GDF2: variants seen among roughly 807,000 people sequenced by gnomAD.
GDF2 encodes growth differentiation factor 2.
A neutral mutation model predicts 16.9 loss-of-function variants in GDF2; 17 were observed. The ratio of observed to expected loss-of-function variants is 1.00; its 90% confidence interval spans 0.69 to 1.51. The LOEUF (loss-of-function observed/expected upper bound fraction) is 1.51, where lower values mean the gene tolerates loss of function less well. Ranked by LOEUF, GDF2 falls within the 40% of genes most tolerant of loss-of-function variation. The pLI, the probability that GDF2 is intolerant of heterozygous loss-of-function variation, is 0.00. For synonymous variants in GDF2, 276 were observed against 237.6 expected, an observed-to-expected ratio of 1.16 and a Z score of -1.49; for missense variants, 523 against 556.3, an observed-to-expected ratio of 0.94 and a Z score of 0.60.
rs782256153 is a variant in GDF2 at position 47,325,387 on chromosome 10, G to A, written c.893G>A (p.Ser298Asn). The change falls in exon 2 of 2, where the codon AGC (serine) becomes AAC (asparagine). Residue 298 changes from serine (S) to asparagine (N), a missense_variant. Ser to Asn is a conservative substitution (Grantham distance 46). Coordinates refer to ENST00000581492, the MANE Select transcript of GDF2 (RefSeq NM_016204.4). The stretch of plus-strand genomic sequence containing the variant: ...GACGGCTCCACAGAGGCAGGTGAGA[G>A]CAGTCACGAGGAGGACACGGATGGC... Reference protein sequence around the residue: ...SKDGSTEAGESSHEEDTDGHV... With the variant: ...SKDGSTEAGENSHEEDTDGHV... The A allele has an allele frequency of 1.9e-6, 3 of 1,614,142 alleles. No homozygotes were observed. The highest frequency in any genetic ancestry group is 3.3e-5 in the Admixed American group (2 of 60,030).
rs538999880 is a variant in GDF2 at position 47,326,493 on chromosome 10, G to A, written c.*709G>A. ...CTGGGCTGCTTGTCACACACAGGGCGTGGTCTGGCCACTGTTGCCAGTGCT... is the reference window on the plus strand; with the variant it reads ...CTGGGCTGCTTGTCACACACAGGGCATGGTCTGGCCACTGTTGCCAGTGCT... On this transcript the variant is annotated 3_prime_UTR_variant, in exon 2 of 2. Transcript: ENST00000581492. 5.9e-5 allele frequency among the ~76,000 whole-genome samples: 9 copies of A among 152,324 alleles called. No individual in the cohort carries two copies. Among genetic ancestry groups the A allele is most frequent in the East Asian group, 1.9e-4 (1 of 5,180 alleles).
In GDF2 at chr10:47,322,465, C is replaced by G; in HGVS notation, c.-204C>G. The G allele has an allele frequency of 2.0e-6, 1 of 503,642 alleles. No homozygotes were observed. Among genetic ancestry groups the G allele is most frequent in the Non-Finnish European group, 3.5e-6 (1 of 286,746 alleles). The allele number at this position is 503,642 out of a possible 1,614,324, so 31.2% of individuals were successfully genotyped here. Reference sequence around the variant, plus strand: ...CGGAAGGCTCCCTCAGATAAGACGTCGGAGCGCGGCATCGAGGACCAGATA... The same window carrying G: ...CGGAAGGCTCCCTCAGATAAGACGTGGGAGCGCGGCATCGAGGACCAGATA... On this transcript the variant is annotated 5_prime_UTR_variant, in exon 1 of 2. Coordinates refer to ENST00000581492, the MANE Select transcript of GDF2 (RefSeq NM_016204.4).
Position 47,322,894 on chromosome 10 carries a change from C to T in GDF2, c.226C>T (p.Pro76Ser). Residue 76 changes from proline to serine, a missense_variant, in exon 1 of 2, where the codon CCT becomes TCT. Coordinates refer to ENST00000581492, the MANE Select transcript of GDF2 (RefSeq NM_016204.4). ...FLRSLNLSGV[P>S]SQDKTRVEPP... ...GCGCAGCCTTAACCTGAGTGGGGTC[C>T]CTTCGCAGGACAAAACCAGGGTGGA... 1 of 1,614,134 alleles carries T rather than the reference C, an allele frequency of 6.2e-7. No homozygotes were observed. The highest frequency in any genetic ancestry group is 8.5e-7 in the Non-Finnish European group (1 of 1,180,014).
rs782094749 is a variant in GDF2, at chr10:47,325,589, T to C, written c.1095T>C (p.Ala365=). Reference sequence around the variant, plus strand: ...AGGGCGGCTGCTTCTTCCCCTTGGCTGACGATGTGACGCCGACGAAACACG... The same window carrying C: ...AGGGCGGCTGCTTCTTCCCCTTGGCCGACGATGTGACGCCGACGAAACACG... The part of the protein sequence containing the change: ...ECKGGCFFPL[A]DDVTPTKHAI... Residue 365 remains alanine (A), a synonymous_variant, in exon 2 of 2, where the codon GCT becomes GCC. Coordinates refer to ENST00000581492, the MANE Select transcript of GDF2 (RefSeq NM_016204.4). 9.3e-6 allele frequency: 15 copies of C among 1,614,006 alleles called. No individual in the cohort carries two copies. Among genetic ancestry groups the C allele is most frequent in the Admixed American group, 5.0e-5 (3 of 60,004 alleles).
rs148790168 is a variant in GDF2 at position 47,322,976 on chromosome 10, C to G, written c.308C>G (p.Thr103Arg). Reference protein sequence around the residue: ...YNRYTSDKSTTPASNIVRSFS... With the variant: ...YNRYTSDKSTRPASNIVRSFS... ...AGGTACACGTCCGATAAGTCGACTA[C>G]GCCAGCGTCCAACATTGTGCGGAGC... Residue 103 changes from threonine (T) to arginine (R), a missense_variant, in exon 1 of 2, where the codon ACG becomes AGG. Physicochemically the swap from Thr to Arg is moderately conservative, Grantham distance 71. Coordinates refer to ENST00000581492, the MANE Select transcript of GDF2 (RefSeq NM_016204.4). The G allele has an allele frequency of 1.4e-5, 22 of 1,606,820 alleles. No individual in the cohort carries two copies. The African/African-American group carries it at 1.7e-4, about 13-fold the overall frequency.
At position 47,327,437 on chromosome 10, in the gene GDF2, C is replaced by T. The variant is rs545683653; in HGVS notation, c.*1653C>T. ...CGAAACATTCTTGTTTAATTACTGGCGTTATAGAAAATATGAATTCCTGCT... is the reference window on the plus strand; with the variant it reads ...CGAAACATTCTTGTTTAATTACTGGTGTTATAGAAAATATGAATTCCTGCT... On this transcript the variant is annotated 3_prime_UTR_variant, in exon 2 of 2. Transcript: ENST00000581492. 2.6e-5 allele frequency among the ~76,000 whole-genome samples: 4 copies of T among 152,248 alleles called. No individual in the cohort carries two copies. The South Asian group carries it at 6.2e-4, about 24-fold the overall frequency.
At chr10:47,324,819 A>G (rs1555208859) in intron 1 of GDF2, 22 bp from the exon 2 acceptor site, 1 of 1,549,426 alleles carries the variant, frequency 6.5e-7, no homozygotes, top group East Asian at 2.2e-5. Context: ...GCAGATGCCC[A>G]CCACGTGTGT....
chr10:47,325,244 C>A lies in GDF2; in HGVS notation c.750C>A (p.Asn250Lys), dbSNP rs782092613. 39 of 1,614,042 alleles carry A rather than the reference C, an allele frequency of 2.4e-5. No homozygotes were observed. The Admixed American group carries it at 6.5e-4, about 27-fold the overall frequency. Residue 250 changes from asparagine (N) to lysine (K), a missense_variant, in exon 2 of 2, where the codon AAC (asparagine) becomes AAA (lysine). Asn to Lys is a moderately conservative substitution (Grantham distance 94, BLOSUM62 0). Transcript: ENST00000581492. Reference protein sequence around the residue: ...LDISVPPGSRNLPFFVVFSND... With the variant: ...LDISVPPGSRKLPFFVVFSND... ...TCAGTGTCCCCCCAGGTTCCAGAAA[C>A]CTGCCCTTCTTTGTTGTCTTCTCCA...
rs781906211 is a variant in GDF2 at position 47,322,681 on chromosome 10, G to C, written c.13G>C (p.Ala5Pro). 1 of 1,560,290 alleles carries C rather than the reference G, an allele frequency of 6.4e-7. No individual in the cohort carries two copies. The highest frequency in any genetic ancestry group is 8.7e-7 in the Non-Finnish European group (1 of 1,148,840). The change falls in exon 1 of 2, where the codon GCA becomes CCA. Residue 5 changes from alanine to proline, a missense_variant. Physicochemically the swap from Ala to Pro is conservative, Grantham distance 27. Transcript: ENST00000581492. MCPG[A>P]LWVALPLLSL... Reference sequence around the variant, plus strand: ...GCGCGGGCCTAAGATGTGTCCTGGGGCACTGTGGGTGGCCCTGCCCCTGCT... The same window carrying C: ...GCGCGGGCCTAAGATGTGTCCTGGGCCACTGTGGGTGGCCCTGCCCCTGCT...
chr10:47,324,987 G>T lies in GDF2; in HGVS notation c.493G>T (p.Asp165Tyr), dbSNP rs150763972. 6.2e-7 allele frequency: 1 copy of T among 1,614,144 alleles called. No individual in the cohort carries two copies. Among genetic ancestry groups the T allele is most frequent in the South Asian group, 1.1e-5 (1 of 91,080 alleles). The change falls in exon 2 of 2, where the codon GAC (aspartate) becomes TAC (tyrosine). Residue 165 changes from aspartate (D) to tyrosine (Y), a missense_variant. Asp to Tyr is a radical substitution (Grantham distance 160). Transcript: ENST00000581492. ...TCAAAATCACGTGGACCCCTCTCAT[G>T]ACCTGAAAGGAAGCGTGGTCATTTA... Reference protein sequence around the residue: ...SCQNHVDPSHDLKGSVVIYDV... With the variant: ...SCQNHVDPSHYLKGSVVIYDV...
In GDF2 at chr10:47,325,857, A is replaced by G. The variant is rs1661344605; in HGVS notation, c.*73A>G. On this transcript the variant is annotated 3_prime_UTR_variant, in exon 2 of 2. Transcript: ENST00000581492. ...GAGGTCCTGCATGCCCCTGGGCACA[A>G]CAAGGACTGATTCAATCTGCATGCC... 4 of 1,103,672 alleles carry G rather than the reference A, an allele frequency of 3.6e-6. No homozygotes were observed. The highest frequency in any genetic ancestry group is 1.7e-5 in the South Asian group (1 of 58,680). The allele number at this position is 1,103,672 out of a possible 1,614,324, so 68.4% of individuals were successfully genotyped here.
chr10:47,323,792 TAA>T (rs2061093682), intron 1 of GDF2, among the ~76,000 whole-genome samples: 1 of 152,236 alleles, frequency 6.6e-6, no homozygotes, highest in Non-Finnish European at 1.5e-5. Context: ...TAGGAAGTGT[TAA>T]ACCTGTCTGC....
Position 47,322,876 on chromosome 10 carries a change from C to T in GDF2, c.208C>T (p.Leu70Phe). 3.1e-6 allele frequency: 5 copies of T among 1,614,204 alleles called. No homozygotes were observed. Among genetic ancestry groups the T allele is most frequent in the Non-Finnish European group, 4.2e-6 (5 of 1,180,036 alleles). Residue 70 changes from leucine to phenylalanine, a missense_variant, in exon 1 of 2, where the codon CTT becomes TTT. By Grantham distance (22) the Leu-to-Phe change is conservative. Transcript: ENST00000581492. ...CGTGAAGGTGGATTTCCTGCGCAGCCTTAACCTGAGTGGGGTCCCTTCGCA... is the reference window on the plus strand; with the variant it reads ...CGTGAAGGTGGATTTCCTGCGCAGCTTTAACCTGAGTGGGGTCCCTTCGCA... ...ENVKVDFLRS[L>F]NLSGVPSQDK... is the part of the protein sequence containing the mutation.
Position 47,325,941 on chromosome 10 carries a change from C to A in GDF2, c.*157C>A. ...CCCCACACCCCACCCAAAGCATACA[C>A]CGCTGAGCTCAACTGCCAGGGAAGG... On this transcript the variant is annotated 3_prime_UTR_variant, in exon 2 of 2. Coordinates refer to ENST00000581492, the MANE Select transcript of GDF2 (RefSeq NM_016204.4). The A allele has an allele frequency of 1.8e-6, 1 of 550,580 alleles. No individual in the cohort carries two copies. Among genetic ancestry groups the A allele is most frequent in the Non-Finnish European group, 3.1e-6 (1 of 322,488 alleles). 34.1% of individuals were successfully genotyped at this position (550,580 alleles called of 1,614,324 possible).
rs782104232 is a variant in GDF2, at chr10:47,325,700, C to T, written c.1206C>T (p.Ser402=). 1.3e-5 allele frequency: 21 copies of T among 1,602,528 alleles called. No individual in the cohort carries two copies. Among genetic ancestry groups the T allele is most frequent in the Middle Eastern group, 1.7e-4 (1 of 6,024 alleles). Reference sequence around the variant, plus strand: ...TGCCCACCAAACTGAGCCCCATCTCCGTCCTCTACAAGGATGACATGGGGG... The same window carrying T: ...TGCCCACCAAACTGAGCCCCATCTCTGTCCTCTACAAGGATGACATGGGGG... ...CCVPTKLSPI[S]VLYKDDMGVP... The change falls in exon 2 of 2, where the codon TCC becomes TCT. Residue 402 remains serine (S), a synonymous_variant. Coordinates refer to ENST00000581492, the MANE Select transcript of GDF2 (RefSeq NM_016204.4).
chr10:47,323,310 C>G (rs1555208760), intron 1 of GDF2, among the ~76,000 whole-genome samples: 1 of 152,172 alleles, frequency 6.6e-6, no homozygotes, highest in East Asian at 1.9e-4. Context: ...TGCCACATTT[C>G]ACACAGCAGG....
rs1412490935 is a variant in GDF2, at chr10:47,322,516, C to T, written c.-153C>T. 7 of 584,936 alleles carry T rather than the reference C, an allele frequency of 1.2e-5. No individual in the cohort carries two copies. In the South Asian group the frequency reaches 1.7e-4, roughly 14 times the overall value. 36.2% of individuals were successfully genotyped at this position (584,936 alleles called of 1,614,324 possible). A position where few individuals can be genotyped will look rare whatever the true frequency, so the allele number is the denominator to read the frequency against. ...AGCACAAGTGGAGGACAATCCAGCC[C>T]GGCAGCGGGTGAGAGTGGGTGCTGG... On this transcript the variant is annotated 5_prime_UTR_variant, in exon 1 of 2. Coordinates refer to ENST00000581492, the MANE Select transcript of GDF2 (RefSeq NM_016204.4).
intron 1 of GDF2, among the ~76,000 whole-genome samples, chr10:47,323,605 T>C (rs1022826615): frequency 1.3e-5 from 2 of 152,214 alleles, no homozygotes; most frequent in Admixed American, 1.3e-4. Context: ...TAGAAATATA[T>C]CTGATTTAGA....
In GDF2 at chr10:47,326,066, T is replaced by G; in HGVS notation, c.*282T>G. 2.9e-6 allele frequency: 1 copy of G among 345,302 alleles called. No individual in the cohort carries two copies. Among genetic ancestry groups the G allele is most frequent in the Non-Finnish European group, 5.3e-6 (1 of 189,814 alleles). The allele number at this position is 345,302 out of a possible 1,614,324, so 21.4% of individuals were successfully genotyped here. On this transcript the variant is annotated 3_prime_UTR_variant, in exon 2 of 2. Coordinates refer to ENST00000581492, the MANE Select transcript of GDF2 (RefSeq NM_016204.4). ...AGACAGGGGGAAAAATAATCCATAG[T>G]CAGCAGAAAACAACAGCAGTGAGCC...
Sources: gnomAD v4.1 joint callset for allele counts (sites outside exome capture counted in the v4.1 genomes callset) on GRCh38, gnomAD v4.1.1 for gene constraint, MANE v1.5 for transcripts, NCBI Gene and HGNC (gene_info 2026-07-23, HGNC 2026-07-21) for gene names.